The following CHODL variants were observed in gnomAD, a reference collection of about 807,000 sequenced individuals.
CHODL encodes the protein chondrolectin, also known as transmembrane protein MT75.
A neutral mutation model predicts 34.5 loss-of-function variants in CHODL; 29 were observed. The ratio of observed to expected loss-of-function variants is 0.84; its 90% CI spans 0.63 to 1.15. The LOEUF is 1.15. CHODL is among the 50% of genes most tolerant of loss of function. The pLI is 0.00. For missense variants in CHODL, 332 were observed against 332.5 expected, an observed-to-expected ratio of 1.00 and a Z score of 0.01; for synonymous variants, 125 against 116.1, an observed-to-expected ratio of 1.08 and a Z score of -0.49.
chr21:18,232,953 ATATATATATATATATATATG>A (rs2073995639), intron 2 of CHODL, among the ~76,000 whole-genome samples: 2 of 140,072 alleles, frequency 1.4e-5, no homozygotes, highest in Non-Finnish European at 3.0e-5. Flanking sequence ...ATATATATAT[ATATATATATATATATATATG>A]TATATATATG....
At chr21:18,088,366 G>A (rs953987786) in intron 2 of CHODL, among the ~76,000 whole-genome samples, 1 of 152,190 alleles carries the variant, frequency 6.6e-6, no homozygotes, top group African/African-American at 2.4e-5. Context: ...TCACAGCCAT[G>A]TCTGTAGATC....
chr21:17,923,056 T>C (rs531033910), intron 1 of CHODL, among the ~76,000 whole-genome samples: 2 of 152,142 alleles, frequency 1.3e-5, no homozygotes, highest in Admixed American at 6.5e-5. Context: ...TTACATTCTT[T>C]TGAGTTTCTG....
At chr21:18,086,086 T>TA (rs1171538927) in intron 2 of CHODL, among the ~76,000 whole-genome samples, 1 of 123,626 alleles carries the variant, frequency 8.1e-6, no homozygotes, top group Non-Finnish European at 1.6e-5. Context: ...GGATTAGTTT[T>TA]AAAAAAACTG....
intron 2 of CHODL, among the ~76,000 whole-genome samples, chr21:18,088,483 C>T (rs1028276697): frequency 5.3e-5 from 8 of 152,196 alleles, no homozygotes; most frequent in African/African-American, 1.9e-4. Context: ...TGTGTGCAAT[C>T]TTTAGGCAAC....
At chr21:18,234,190 C>G (rs1026986577) in intron 2 of CHODL, among the ~76,000 whole-genome samples, 23 of 152,120 alleles carry the variant, frequency 1.5e-4, no homozygotes, top group Non-Finnish European at 5.9e-5. Context: ...TACTTTTACT[C>G]TGTGACCGCC....
intron 1 of CHODL, among the ~76,000 whole-genome samples, chr21:17,941,464 T>C (rs1000714687): frequency 4.1e-5 from 6 of 144,750 alleles, no homozygotes; most frequent in African/African-American, 8.3e-5. Context: ...TTTTTTTTTT[T>C]CTGAATGTTC....
At chr21:18,047,086 C>G (rs560476533) in intron 2 of CHODL, among the ~76,000 whole-genome samples, 2 of 152,070 alleles carry the variant, frequency 1.3e-5, no homozygotes, top group Admixed American at 6.6e-5. Context: ...AGAAGAAATG[C>G]AAGAATCAAC....
At position 18,201,490 on chromosome 21, in the gene CHODL, G is replaced by A. The variant is rs1174042667; in HGVS notation, c.-44-55019G>A. On this transcript the variant is annotated intron_variant, in intron 2 of 6. Transcript: ENST00000400127. ...AAAAAAAAAAGACTTCTAGTTTGAA[G>A]GCCAGAAGATAAGTGAATTTCCTTG... 4.0e-5 allele frequency among the ~76,000 whole-genome samples: 6 copies of A among 151,822 alleles called. No individual in the cohort carries two copies. The East Asian group carries it at 1.2e-3, about 29-fold the overall frequency.
chr21:18,256,664 T>C lies in CHODL; in HGVS notation c.235T>C (p.Leu79=). Residue 79 remains leucine, a synonymous_variant, in exon 2 of 6, where the codon TTA becomes CTA. Coordinates refer to ENST00000299295, the MANE Select transcript of CHODL (RefSeq NM_024944.3). ...LSLENEAEQK[L]IESMLQNLTK... ...CCTTGAGAATGAAGCAGAACAGAAG[T>C]TAATAGAGAGCATGTTGCAAAACCT... 6.2e-7 allele frequency: 1 copy of C among 1,613,868 alleles called. No individual in the cohort carries two copies. The highest frequency in any genetic ancestry group is 8.5e-7 in the Non-Finnish European group (1 of 1,179,936).
chr21:18,113,894 T>C (rs2065381052), intron 2 of CHODL, among the ~76,000 whole-genome samples: 1 of 152,198 alleles, frequency 6.6e-6, no homozygotes, highest in Admixed American at 6.5e-5. Context: ...GCAACCTAAG[T>C]GTCCATCAAC....
chr21:18,221,426 C>CTCTTGGTA (rs879269771), intron 2 of CHODL, among the ~76,000 whole-genome samples: 1 of 152,038 alleles, frequency 6.6e-6, no homozygotes, highest in Non-Finnish European at 1.5e-5. Flanking sequence ...CTATTGTGTT[C>CTCTTGGTA]TCTTGGAGAT....
At chr21:17,922,737 A>T (rs1174585734) in intron 1 of CHODL, among the ~76,000 whole-genome samples, 1 of 152,154 alleles carries the variant, frequency 6.6e-6, no homozygotes, top group African/African-American at 2.4e-5. Flanking sequence ...TACTGAATGC[A>T]CTGAGATGTA....
intron 2 of CHODL, among the ~76,000 whole-genome samples, chr21:18,130,129 G>A (rs983036763): frequency 5.9e-5 from 9 of 151,938 alleles, no homozygotes; most frequent in South Asian, 2.1e-4. Context: ...GGTTCATGTG[G>A]TCATGGCTAT....
intron 2 of CHODL, among the ~76,000 whole-genome samples, chr21:18,174,161 A>ATATATATATATATATATATATAT (rs2073276201): frequency 3.5e-5 from 3 of 85,640 alleles, no homozygotes; most frequent in Non-Finnish European, 9.2e-5. Flanking sequence ...ATATATATAT[A>ATATATATATATATATATATATAT]AAATCAAGTC....
chr21:18,107,475 A>G lies in CHODL; in HGVS notation c.-45+79504A>G, dbSNP rs367878525. Reference sequence around the variant, plus strand: ...CTCAGTGGCAACTATACCAGGCCATAGCAGGCCTTGAAAGCACTAGTTGTG... The same window carrying G: ...CTCAGTGGCAACTATACCAGGCCATGGCAGGCCTTGAAAGCACTAGTTGTG... On this transcript the variant is annotated intron_variant, in intron 2 of 6. Transcript: ENST00000400127. Among the ~76,000 whole-genome samples, 217 of 152,376 alleles carry G rather than the reference A, an allele frequency of 1.4e-3. 1 individual carries two copies. The highest frequency in any genetic ancestry group is 5.1e-3 in the African/African-American group (211 of 41,594).
chr21:18,180,787 G>T (rs567361583), intron 2 of CHODL, among the ~76,000 whole-genome samples: 1 of 152,122 alleles, frequency 6.6e-6, no homozygotes, highest in African/African-American at 2.4e-5. Flanking sequence ...TAGGAGTTTC[G>T]CATATGGAAT....
chr21:18,069,092 T>C (rs1034759100), intron 2 of CHODL, among the ~76,000 whole-genome samples: 17 of 152,174 alleles, frequency 1.1e-4, no homozygotes, highest in Non-Finnish European at 2.9e-5. Context: ...ATTTTATTAG[T>C]AAAAACATGC....
intron 1 of CHODL, among the ~76,000 whole-genome samples, chr21:17,938,396 A>ATATG (rs201342223): frequency 6.7e-6 from 1 of 149,482 alleles, no homozygotes; most frequent in African/African-American, 2.5e-5. Context: ...ATATATAGAT[A>ATATG]TATATATATC....
intron 2 of CHODL, among the ~76,000 whole-genome samples, chr21:18,197,556 C>A (rs192535989): frequency 1.8e-4 from 27 of 152,298 alleles, no homozygotes; most frequent in Non-Finnish European, 3.8e-4. Context: ...GCGGAGGTTG[C>A]GGTGAGCCAG....
Sources: gnomAD v4.1 joint callset for allele counts (sites outside exome capture counted in the v4.1 genomes callset) on GRCh38, gnomAD v4.1.1 for gene constraint, MANE v1.5 for transcripts, NCBI Gene and HGNC (gene_info 2026-07-23, HGNC 2026-07-21) for gene names.